ERO1B: variants seen among roughly 807,000 people sequenced by gnomAD.
ERO1B encodes the protein ERO1-like protein beta.
Under a neutral mutation model 75.3 loss-of-function variants are expected in ERO1B, and 49 were observed. The ratio of observed to expected loss-of-function variants is 0.65; its 90% CI spans 0.52 to 0.83. The LOEUF (loss-of-function observed/expected upper bound fraction) is 0.83, where lower values mean the gene tolerates loss of function less well. ERO1B is among the 40% of genes least tolerant of loss of function. ERO1B has a pLI of 0.00. For missense variants in ERO1B, 512 were observed against 560.1 expected, an observed-to-expected ratio of 0.91 and a Z score of 0.87; for synonymous variants, 191 against 192.9, an observed-to-expected ratio of 0.99 and a Z score of 0.08.
Position 236,245,575 on chromosome 1 carries a change from TATA to T in ERO1B, c.432-2083_432-2081del, listed in dbSNP as rs1422976640. ...GTGTGTATATATATATATATATATA[TATA>T]TATTTTTTTTTTTTTTTTTTTTTTT... On this transcript the variant is annotated intron_variant, in intron 5 of 15. Transcript: ENST00000354619. Among the ~76,000 whole-genome samples the T allele has an allele frequency of 9.8e-4, 7 of 7,110 alleles. 2 individuals carry two copies. Among genetic ancestry groups the T allele is most frequent in the African/African-American group, 2.4e-3 (7 of 2,872 alleles). The allele number at this position is 7,110 out of a possible 152,430, so 4.7% of individuals were successfully genotyped here. A position where few individuals can be genotyped will look rare whatever the true frequency, so the allele number is the denominator to read the frequency against.
In ERO1B at chr1:236,221,918, A is replaced by C; in HGVS notation, c.1209+6T>G. 4 of 1,607,176 alleles carry C rather than the reference A, an allele frequency of 2.5e-6. No homozygotes were observed. Among genetic ancestry groups the C allele is most frequent in the Non-Finnish European group, 3.4e-6 (4 of 1,173,842 alleles). On this transcript the variant is annotated splice_donor_region_variant and intron_variant, in intron 14 of 15. Transcript: ENST00000354619. ...ATGGCTTCAAAAGAGAAGACAACACATATACCTGTAATTTTCCCCATAATC... is the reference window on the plus strand; with the variant it reads ...ATGGCTTCAAAAGAGAAGACAACACCTATACCTGTAATTTTCCCCATAATC...
intron 6 of ERO1B, among the ~76,000 whole-genome samples, chr1:236,237,295 T>G (rs1235699719): frequency 6.6e-6 from 1 of 151,958 alleles, no homozygotes; most frequent in East Asian, 1.9e-4. Context: ...TTTTGTATTT[T>G]TAGTAAAGAC....
intron 5 of ERO1B, among the ~76,000 whole-genome samples, chr1:236,247,384 A>C (rs752703519): frequency 3.9e-5 from 6 of 152,164 alleles, no homozygotes; most frequent in Non-Finnish European, 8.8e-5. Context: ...TCTTGTAGTC[A>C]TCCAAAAGCT....
chr1:236,224,567 C>T (rs529987636), intron 13 of ERO1B, among the ~76,000 whole-genome samples: 2 of 152,028 alleles, frequency 1.3e-5, no homozygotes, highest in African/African-American at 4.8e-5. Context: ...TAAAGAACAC[C>T]TAACATGAAG....
At chr1:236,274,382 C>T (rs1346840929) in intron 1 of ERO1B, among the ~76,000 whole-genome samples, 1 of 152,118 alleles carries the variant, frequency 6.6e-6, no homozygotes, top group African/African-American at 2.4e-5. Context: ...TAAGAAGGTA[C>T]AATGTTCATA....
At position 236,218,576 on chromosome 1, in the gene ERO1B, C is replaced by A; in HGVS notation, c.1344G>T (p.Arg448Ser). The part of the protein sequence containing the change: ...EIVALLNAFG[R>S]LSTSIRDLQN... ...GTAAGTCTCTTATACTTGTAGAAAGCCTATGGAAGAAAGAAAAAGCTTATT... is the reference window on the plus strand; with the variant it reads ...GTAAGTCTCTTATACTTGTAGAAAGACTATGGAAGAAAGAAAAAGCTTATT... Residue 448 changes from arginine to serine, a missense_variant and splice_region_variant, in exon 16 of 16, where the codon AGG becomes AGT. By Grantham distance (110) the Arg-to-Ser change is moderately radical (BLOSUM62 -1). Coordinates refer to ENST00000354619, the MANE Select transcript of ERO1B (RefSeq NM_019891.4). 1 of 1,358,270 alleles carries A rather than the reference C, an allele frequency of 7.4e-7. No homozygotes were observed. The highest frequency in any genetic ancestry group is 9.6e-7 in the Non-Finnish European group (1 of 1,039,448). 84.1% of individuals were successfully genotyped at this position (1,358,270 alleles called of 1,614,324 possible).
chr1:236,262,221 G>A (rs1287620292), intron 2 of ERO1B, among the ~76,000 whole-genome samples: 1 of 152,162 alleles, frequency 6.6e-6, no homozygotes, highest in East Asian at 1.9e-4. Flanking sequence ...TGGCAAAAGT[G>A]CCAAGAACAC....
At chr1:236,230,724 T>A (rs1664387621) in intron 9 of ERO1B, among the ~76,000 whole-genome samples, 2 of 150,690 alleles carry the variant, frequency 1.3e-5, no homozygotes, top group South Asian at 4.2e-4. Flanking sequence ...AAATAAAACC[T>A]ACAAATAATT....
chr1:236,239,859 GTATATATATA>G (rs150005841), intron 6 of ERO1B, among the ~76,000 whole-genome samples: 2 of 74,470 alleles, frequency 2.7e-5, no homozygotes, highest in Non-Finnish European at 5.8e-5. Context: ...GTGTATATAT[GTATATATATA>G]TGTGTATATG....
chr1:236,236,224 G>A lies in ERO1B; in HGVS notation c.626+54C>T, dbSNP rs946592671. On this transcript the variant is annotated intron_variant, in intron 7 of 15. Transcript: ENST00000354619. ...TTACAGGCGTGAGCCACAGCACCCG[G>A]CCTCTCCCGACCCTCTATCAGTCGT... 4.4e-6 allele frequency: 7 copies of A among 1,606,670 alleles called. No individual in the cohort carries two copies. In the South Asian group the frequency reaches 4.4e-5, roughly 10 times the overall value.
chr1:236,219,846 C>T (rs956955006), intron 15 of ERO1B, among the ~76,000 whole-genome samples: 1 of 151,758 alleles, frequency 6.6e-6, no homozygotes, highest in Non-Finnish European at 1.5e-5. Context: ...CAAAGTGAGA[C>T]CCCCATCTCT....
chr1:236,252,875 G>A (rs1198037043), intron 3 of ERO1B, among the ~76,000 whole-genome samples: 1 of 152,042 alleles, frequency 6.6e-6, no homozygotes, highest in Non-Finnish European at 1.5e-5. Flanking sequence ...ACTAATTACT[G>A]TTGAAGAAGA....
At chr1:236,239,908 TA>T (rs373781082) in intron 6 of ERO1B, among the ~76,000 whole-genome samples, 3,551 of 133,868 alleles carry the variant, frequency 0.027, 104 homozygotes, top group Non-Finnish European at 0.038. Context: ...TATATATATA[TA>T]TATTTTTTTT....
rs116000191 is a variant in ERO1B, at chr1:236,221,976, C to T, written c.1157G>A (p.Arg386His). ...GTCACATCCAACACAGTCCATTATACGGGAGATATTCTTGAAATGTAATCG... is the reference window on the plus strand; with the variant it reads ...GTCACATCCAACACAGTCCATTATATGGGAGATATTCTTGAAATGTAATCG... ...EFRLHFKNIS[R>H]IMDCVGCDKC... The change falls in exon 14 of 16, where the codon CGT becomes CAT. Residue 386 changes from arginine to histidine, a missense_variant. Coordinates refer to ENST00000354619, the MANE Select transcript of ERO1B (RefSeq NM_019891.4). 976 of 1,613,548 alleles carry T rather than the reference C, an allele frequency of 6.0e-4. 10 individuals carry two copies. The African/African-American group carries it at 0.011, about 19-fold the overall frequency.
chr1:236,222,063 AT>A, intron 13 of ERO1B, 53 bp from the exon 14 acceptor site: 2 of 1,335,368 alleles, frequency 1.5e-6, no homozygotes, highest in Non-Finnish European at 2.1e-6. Flanking sequence ...ATTGAACCGC[AT>A]TTGGCTAAAC....
intron 9 of ERO1B, among the ~76,000 whole-genome samples, chr1:236,232,185 G>A (rs1664425738): frequency 6.6e-6 from 1 of 152,140 alleles, no homozygotes; most frequent in Non-Finnish European, 1.5e-5. Context: ...CATCTATGGA[G>A]TATTTCTTTA....
intron 8 of ERO1B, 24 bp from the exon 9 acceptor site, chr1:236,232,863 G>T (rs1232293415): frequency 7.6e-6 from 12 of 1,583,408 alleles, no homozygotes; most frequent in Non-Finnish European, 1.0e-5. Flanking sequence ...TAATAGAAAA[G>T]ATTTTAGAAA....
Position 236,264,016 on chromosome 1 carries a change from A to T in ERO1B, c.222+5859T>A, listed in dbSNP as rs2141129. Among the ~76,000 whole-genome samples the T allele has an allele frequency of 7.3e-3, 1,099 of 151,346 alleles. 6 individuals are homozygous for T. Among genetic ancestry groups the T allele is most frequent in the South Asian group, 0.018 (88 of 4,790 alleles). ...GAAGATATTGACTTTTTGTATATCA[A>T]GTTTATGGCTTGCTATATTAACATA... On this transcript the variant is annotated intron_variant, in intron 2 of 15. Coordinates refer to ENST00000354619, the MANE Select transcript of ERO1B (RefSeq NM_019891.4).
intron 1 of ERO1B, among the ~76,000 whole-genome samples, chr1:236,276,170 G>T (rs1005993373): frequency 6.6e-6 from 1 of 152,072 alleles, no homozygotes; most frequent in Admixed American, 6.5e-5. Flanking sequence ...CAGATTTGGG[G>T]GAAAAGATCA....
Sources: allele counts gnomAD v4.1 joint callset (sites outside exome capture counted in the v4.1 genomes callset), GRCh38; gene constraint gnomAD v4.1.1; transcripts MANE v1.5; gene names NCBI Gene and HGNC (gene_info 2026-07-23, HGNC 2026-07-21).